ABCB1: variants seen among roughly 807,000 people sequenced by gnomAD.
The protein encoded by ABCB1 is ATP binding cassette subfamily B member 1, also known as ATP-dependent translocase ABCB1.
A neutral mutation model predicts 142.0 loss-of-function variants in ABCB1; 69 were observed. That is an observed-to-expected ratio of 0.49 (90% CI 0.40 to 0.59). The LOEUF is 0.59. Among genes scored for constraint, ABCB1 ranks in the 20% least tolerant of loss-of-function variants. The probability of loss-of-function intolerance (pLI) is 0.00; values close to 1 mark genes in which losing one functional copy is unlikely to be tolerated. For missense variants in ABCB1, 1,326 were observed against 1,554.7 expected, an observed-to-expected ratio of 0.85 and a Z score of 2.47; for synonymous variants, 532 against 539.2, an observed-to-expected ratio of 0.99 and a Z score of 0.18.
chr7:87,658,147 G>A (rs764319155), intron 1 of ABCB1, among the ~76,000 whole-genome samples: 1 of 152,094 alleles, frequency 6.6e-6, no homozygotes, highest in Non-Finnish European at 1.5e-5. Flanking sequence ...AATGCTTTGA[G>A]CAATACATGT....
chr7:87,648,514 T>C (rs995806888), intron 1 of ABCB1, among the ~76,000 whole-genome samples: 1 of 148,726 alleles, frequency 6.7e-6, no homozygotes, highest in African/African-American at 2.6e-5. Flanking sequence ...TCAAGAAATA[T>C]GGCAGTTTGC....
intron 25 of ABCB1, among the ~76,000 whole-genome samples, chr7:87,514,464 C>T (rs945154689): frequency 6.6e-6 from 1 of 152,144 alleles, no homozygotes; most frequent in African/African-American, 2.4e-5. Context: ...GGGCATACTT[C>T]CATGTTCTTT....
chr7:87,538,349 G>A (rs1816385666), intron 19 of ABCB1, among the ~76,000 whole-genome samples: 2 of 152,176 alleles, frequency 1.3e-5, no homozygotes, highest in Admixed American at 6.5e-5. Context: ...TTCAGTCCTG[G>A]CTCTGTCAGT....
chr7:87,701,845 T>A (rs1020505248), intron 1 of ABCB1, among the ~76,000 whole-genome samples: 4 of 152,052 alleles, frequency 2.6e-5, no homozygotes, highest in African/African-American at 9.6e-5. Flanking sequence ...TAGAAAAAAA[T>A]GTAAAACAGA....
intron 27 of ABCB1, among the ~76,000 whole-genome samples, chr7:87,504,963 C>T (rs1814668687): frequency 6.6e-6 from 1 of 151,936 alleles, no homozygotes; most frequent in Non-Finnish European, 1.5e-5. Context: ...TTATCTATCC[C>T]TAACTTTTTT....
Position 87,615,034 on chromosome 7 carries a change from A to G in ABCB1, c.-330-13956T>C, listed in dbSNP as rs1000510405. ...TAAATTTTTTGTATTTTTAGTAGAG[A>G]CGGGGTTTCACCGTGTTAGCCAGGA... On this transcript the variant is annotated intron_variant, in intron 1 of 28. Coordinates refer to the ABCB1 transcript ENST00000265724. Among the ~76,000 whole-genome samples the G allele has an allele frequency of 3.3e-5, 5 of 152,124 alleles. No individual in the cohort carries two copies. In the South Asian group the frequency reaches 6.2e-4, roughly 19 times the overall value.
rs28364271 is a variant in ABCB1 at position 87,504,601 on chromosome 7, T to G, written c.3637-152A>C. 8.6e-4 allele frequency: 876 copies of G among 1,013,382 alleles called. 10 individuals carry two copies. The African/African-American group carries it at 0.012, about 14-fold the overall frequency. 62.8% of individuals were successfully genotyped at this position (1,013,382 alleles called of 1,614,324 possible). ...AGGCGGGCAGATCACAAGGTCAGATTGAGACCATCCTGGCTAACACGGTGA... is the reference window on the plus strand; with the variant it reads ...AGGCGGGCAGATCACAAGGTCAGATGGAGACCATCCTGGCTAACACGGTGA... On this transcript the variant is annotated intron_variant, in intron 27 of 27. Transcript: ENST00000622132.
chr7:87,634,895 G>A (rs185807857), intron 1 of ABCB1, among the ~76,000 whole-genome samples: 21 of 152,274 alleles, frequency 1.4e-4, no homozygotes, highest in South Asian at 1.2e-3. Flanking sequence ...ATTAGTAGAT[G>A]CGCACAATGG....
chr7:87,667,926 G>A (rs574852845), intron 1 of ABCB1, among the ~76,000 whole-genome samples: 1 of 152,062 alleles, frequency 6.6e-6, no homozygotes, highest in Non-Finnish European at 1.5e-5. Flanking sequence ...TGTTCATCAA[G>A]GATATCAGCC....
rs958368684 is a variant in ABCB1 at position 87,546,083 on chromosome 7, C to A, written c.1726-59G>T. 2.6e-6 allele frequency: 4 copies of A among 1,547,674 alleles called. No individual in the cohort carries two copies. The South Asian group carries it at 4.5e-5, about 17-fold the overall frequency. On this transcript the variant is annotated intron_variant, in intron 14 of 27. Coordinates refer to ENST00000622132, the MANE Select transcript of ABCB1 (RefSeq NM_001348946.2). Reference sequence around the variant, plus strand: ...TAACAATTACCTGAAGAAACTTAACCATTCAACATATATTTACTGAACCAA... The same window carrying A: ...TAACAATTACCTGAAGAAACTTAACAATTCAACATATATTTACTGAACCAA...
intron 1 of ABCB1, 70 bp from the exon 2 acceptor site, chr7:87,600,260 T>C: frequency 3.9e-6 from 5 of 1,276,636 alleles, no homozygotes; most frequent in Non-Finnish European, 5.6e-6. Flanking sequence ...GACTAACCTC[T>C]AGTCCCCCGT....
At chr7:87,629,734 G>A (rs1342800980) in intron 1 of ABCB1, among the ~76,000 whole-genome samples, 4 of 151,940 alleles carry the variant, frequency 2.6e-5, no homozygotes, top group Non-Finnish European at 4.4e-5. Flanking sequence ...AGACCAGCCT[G>A]GCCAACATAG....
At chr7:87,670,782 G>A (rs897279656) in intron 1 of ABCB1, among the ~76,000 whole-genome samples, 19 of 152,332 alleles carry the variant, frequency 1.2e-4, no homozygotes, top group African/African-American at 4.3e-4. Flanking sequence ...GTGTGATCCA[G>A]CAGGTGGCTT....
intron 1 of ABCB1, among the ~76,000 whole-genome samples, chr7:87,644,630 A>G (rs1048291693): frequency 6.6e-6 from 1 of 152,204 alleles, no homozygotes; most frequent in African/African-American, 2.4e-5. Context: ...AACATGGTAT[A>G]GATAAGAAGA....
At chr7:87,695,091 A>G (rs1413021280) in intron 1 of ABCB1, among the ~76,000 whole-genome samples, 1 of 152,144 alleles carries the variant, frequency 6.6e-6, no homozygotes, top group African/African-American at 2.4e-5. Context: ...TAGCAATGTA[A>G]GTACAATTGA....
Position 87,549,917 on chromosome 7 carries a change from G to A in ABCB1, c.1488C>T (p.Thr496=), listed in dbSNP as rs368165789. 2 of 1,614,000 alleles carry A rather than the reference G, an allele frequency of 1.2e-6. No individual in the cohort carries two copies. Among genetic ancestry groups the A allele is most frequent in the Non-Finnish European group, 1.7e-6 (2 of 1,180,026 alleles). ...TGACAGCTTTCTCAATCTCATCCAT[G>A]GTGACATTTTCACGGCCATAGCGAA... ...ENIRYGRENV[T]MDEIEKAVKE... Residue 496 remains threonine, a synonymous_variant, in exon 13 of 28, where the codon ACC becomes ACT. Coordinates refer to ENST00000622132, the MANE Select transcript of ABCB1 (RefSeq NM_001348946.2).
chr7:87,522,372 G>C, intron 21 of ABCB1: 1 of 715,522 alleles, frequency 1.4e-6, no homozygotes, highest in South Asian at 1.4e-5. Context: ...GGCTATGGCA[G>C]TTCCAGTAGC....
intron 1 of ABCB1, among the ~76,000 whole-genome samples, chr7:87,617,928 T>G (rs931349846): frequency 2.0e-5 from 3 of 152,188 alleles, no homozygotes; most frequent in African/African-American, 7.2e-5. Context: ...CCTTACTCTC[T>G]GAGCTCCAGC....
chr7:87,509,762 T>G (rs1182614415), intron 25 of ABCB1, among the ~76,000 whole-genome samples: 1 of 152,214 alleles, frequency 6.6e-6, no homozygotes, highest in Non-Finnish European at 1.5e-5. Context: ...TCCTAATCCC[T>G]GGATCCTGTG....
Sources: allele counts gnomAD v4.1 joint callset (sites outside exome capture counted in the v4.1 genomes callset), GRCh38; gene constraint gnomAD v4.1.1; transcripts MANE v1.5; gene names NCBI Gene and HGNC (gene_info 2026-07-23, HGNC 2026-07-21).